Variants in CFAP77 observed in about 807,000 individuals in gnomAD.
CFAP77 encodes the protein cilia and flagella associated protein 77, also known as cilia- and flagella-associated protein 77.
A neutral mutation model predicts 31.1 loss-of-function variants in CFAP77; 25 were observed. The observed-to-expected ratio is 0.80, with a 90% CI of 0.59 to 1.12. CFAP77 has a LOEUF of 1.12. CFAP77 is among the 50% of genes most tolerant of loss of function. The pLI is 0.00. For missense variants in CFAP77, 377 were observed against 397.3 expected, an observed-to-expected ratio of 0.95 and a Z score of 0.44; for synonymous variants, 151 against 159.9, an observed-to-expected ratio of 0.94 and a Z score of 0.42.
chr9:132,485,355 G>A (rs1353519361), intron 1 of CFAP77, among the ~76,000 whole-genome samples: 8 of 152,172 alleles, frequency 5.3e-5, no homozygotes, highest in African/African-American at 9.7e-5. Flanking sequence ...ACTGAGACTC[G>A]GAGGTTAAGC....
At chr9:132,446,743 CAAAAA>C (rs1184310514) in intron 1 of CFAP77, among the ~76,000 whole-genome samples, 1 of 66,064 alleles carries the variant, frequency 1.5e-5, no homozygotes, top group Non-Finnish European at 3.0e-5. Flanking sequence ...TCCTCCGTCT[CAAAAA>C]AAAAAAAAAA....
At position 132,424,337 on chromosome 9, in the gene CFAP77, A is replaced by T; in HGVS notation, c.195+13871A>T. 6.6e-6 allele frequency among the ~76,000 whole-genome samples: 1 copy of T among 152,066 alleles called. No individual in the cohort carries two copies. The highest frequency in any genetic ancestry group is 1.9e-4 in the East Asian group (1 of 5,180). On this transcript the variant is annotated intron_variant, in intron 1 of 5. Coordinates refer to ENST00000393216, the MANE Select transcript of CFAP77 (RefSeq NM_001282957.2). This position sits in a 1 kb window ranked among gnomAD's most constrained non-coding sequence, Gnocchi z 4.1. ...GAATCACTTGAACCAGGGAGGCAGA[A>T]GTTGCAGTGGGCTGAGATCGTGCCA...
chr9:132,491,533 G>C (rs1013589265), intron 1 of CFAP77, among the ~76,000 whole-genome samples: 6 of 152,216 alleles, frequency 3.9e-5, no homozygotes, highest in African/African-American at 1.4e-4. Context: ...GTGTAGAAAA[G>C]TGCTCAGCAA....
In CFAP77 at chr9:132,490,761, G is replaced by C. The variant is rs1851639929; in HGVS notation, c.196-7934G>C. Among the ~76,000 whole-genome samples the C allele has an allele frequency of 6.6e-6, 1 of 152,176 alleles. No individual in the cohort carries two copies. The highest frequency in any genetic ancestry group is 1.5e-5 in the Non-Finnish European group (1 of 68,040). On this transcript the variant is annotated intron_variant, in intron 1 of 5. Transcript: ENST00000393216. The surrounding 1 kb of genome is among the most constrained non-coding windows in gnomAD (Gnocchi z 4.6). ...TTCCCCCAACGCAGTCAAGACAGCT[G>C]TCCTGGGTCCCAGTCACTTTAGTCC...
At chr9:132,413,697 T>C (rs184148149) in intron 1 of CFAP77, among the ~76,000 whole-genome samples, 7 of 152,302 alleles carry the variant, frequency 4.6e-5, no homozygotes, top group African/African-American at 1.4e-4. Flanking sequence ...AATACAATTA[T>C]AGGGAGAGAC....
intron 3 of CFAP77, among the ~76,000 whole-genome samples, chr9:132,515,397 G>C (rs548024496): frequency 6.6e-6 from 1 of 152,104 alleles, no homozygotes; most frequent in African/African-American, 2.4e-5. Flanking sequence ...GGCACCCCTG[G>C]GCACACTTGC....
At chr9:132,503,920 G>C (rs1276151887) in intron 3 of CFAP77, among the ~76,000 whole-genome samples, 1 of 152,128 alleles carries the variant, frequency 6.6e-6, no homozygotes, top group African/African-American at 2.4e-5. Context: ...GTGGTGGCAT[G>C]CATCTGTAAT....
At chr9:132,496,713 C>T (rs1377244129) in intron 1 of CFAP77, among the ~76,000 whole-genome samples, 1 of 152,220 alleles carries the variant, frequency 6.6e-6, no homozygotes, top group African/African-American at 2.4e-5. Flanking sequence ...GCTGTGGTGC[C>T]ACCATATAAT....
At chr9:132,486,493 G>C (rs931218689) in intron 1 of CFAP77, among the ~76,000 whole-genome samples, 9 of 152,176 alleles carry the variant, frequency 5.9e-5, no homozygotes, top group Non-Finnish European at 7.3e-5. Context: ...ACGATGAGCT[G>C]CTTCCTGCGA....
chr9:132,445,991 G>A (rs886675300), intron 1 of CFAP77, among the ~76,000 whole-genome samples: 2 of 152,022 alleles, frequency 1.3e-5, no homozygotes, highest in Non-Finnish European at 2.9e-5. Context: ...GGTGCATTGG[G>A]TGCCGCTCTC....
chr9:132,488,420 G>A (rs1054711241), intron 1 of CFAP77, among the ~76,000 whole-genome samples: 4 of 152,072 alleles, frequency 2.6e-5, no homozygotes, highest in East Asian at 1.9e-4. Context: ...AAGATATCTC[G>A]TGCAAAATCC....
intron 1 of CFAP77, among the ~76,000 whole-genome samples, chr9:132,431,415 A>G (rs973779238): frequency 3.3e-4 from 50 of 152,360 alleles, no homozygotes; most frequent in Admixed American, 1.3e-3. Flanking sequence ...TCAAGTGAAA[A>G]CATATAGAAT....
At chr9:132,563,418 G>T (rs1829848866) in intron 5 of CFAP77, among the ~76,000 whole-genome samples, 2 of 152,146 alleles carry the variant, frequency 1.3e-5, no homozygotes, top group African/African-American at 4.8e-5. Flanking sequence ...GCTGGGGGCT[G>T]CCATGTTGGG....
chr9:132,446,662 A>G (rs1244796689), intron 1 of CFAP77, among the ~76,000 whole-genome samples: 2 of 148,930 alleles, frequency 1.3e-5, no homozygotes, highest in African/African-American at 5.0e-5. Flanking sequence ...AATAGTGTGA[A>G]CCCAGGAGGC....
Position 132,489,176 on chromosome 9 carries a change from T to G in CFAP77, c.196-9519T>G, listed in dbSNP as rs1253579140. ...TTCAGAATTCCCTGATGTGCAACAC[T>G]AAGGAGTGCCTCTTAAAAGACCTTG... is the stretch of plus-strand genomic sequence containing the variant. On this transcript the variant is annotated intron_variant, in intron 1 of 5. Coordinates refer to ENST00000393216, the MANE Select transcript of CFAP77 (RefSeq NM_001282957.2). Among the ~76,000 whole-genome samples the G allele has an allele frequency of 1.4e-4, 21 of 152,144 alleles. 1 individual carries two copies. The highest frequency in any genetic ancestry group is 1.4e-3 in the Admixed American group (21 of 15,276).
At chr9:132,553,436 TACAAACAAACAA>T (rs369252818) in intron 5 of CFAP77, among the ~76,000 whole-genome samples, 13 of 152,132 alleles carry the variant, frequency 8.5e-5, no homozygotes, top group Non-Finnish European at 1.9e-4. Flanking sequence ...ACTCTGTCTC[TACAAACAAACAA>T]ACAAACAAAC....
intron 3 of CFAP77, among the ~76,000 whole-genome samples, chr9:132,508,822 G>A (rs1430853152): frequency 6.6e-6 from 1 of 152,168 alleles, no homozygotes; most frequent in African/African-American, 2.4e-5. Flanking sequence ...TTCTACAGAT[G>A]GGGAAACTGA....
chr9:132,449,130 A>G lies in CFAP77; in HGVS notation c.195+38664A>G, dbSNP rs138896191. Among the ~76,000 whole-genome samples, 63 of 152,298 alleles carry G rather than the reference A, an allele frequency of 4.1e-4. No individual in the cohort carries two copies. The East Asian group carries it at 0.012, about 28-fold the overall frequency. On this transcript the variant is annotated intron_variant, in intron 1 of 5. Transcript: ENST00000393216. ...TTCCTTTATGGTTCATGAAACTATGATATTTATGCCATAAAGTTGATCCAT... is the reference window on the plus strand; with the variant it reads ...TTCCTTTATGGTTCATGAAACTATGGTATTTATGCCATAAAGTTGATCCAT...
At chr9:132,436,892 T>C (rs1470126302) in intron 1 of CFAP77, among the ~76,000 whole-genome samples, 1 of 152,190 alleles carries the variant, frequency 6.6e-6, no homozygotes, top group Admixed American at 6.5e-5. Context: ...TGAACTTGTC[T>C]GGATAGGGCC....
Sources: gnomAD v4.1 joint callset for allele counts (sites outside exome capture counted in the v4.1 genomes callset) on GRCh38, gnomAD v4.1.1 for gene constraint, Gnocchi (gnomAD v3.1) non-coding constraint, MANE v1.5 for transcripts, NCBI Gene and HGNC (gene_info 2026-07-23, HGNC 2026-07-21) for gene names.